CAP1: variants seen among roughly 807,000 people sequenced by gnomAD.
CAP1 encodes the protein adenylyl cyclase-associated protein 1.
In CAP1, 11 loss-of-function variants were observed where a neutral mutation model predicts 58.2. The observed-to-expected ratio is 0.19, with a 90% CI of 0.12 to 0.31. The LOEUF (loss-of-function observed/expected upper bound fraction) is 0.31. CAP1 is among the 10% of genes least tolerant of loss of function. The pLI, the probability that CAP1 is intolerant of heterozygous loss-of-function variation, is 1.00. For missense variants in CAP1, 423 were observed against 587.5 expected (o/e 0.72, Z 2.89); for synonymous variants, 183 against 213.8 (o/e 0.86, Z 1.26).
At chr1:40,047,512 A>G (rs1337902047) in intron 1 of CAP1, among the ~76,000 whole-genome samples, 3 of 152,208 alleles carry the variant, frequency 2.0e-5, no homozygotes, top group Non-Finnish European at 2.9e-5. Flanking sequence ...CAGTCTTTCC[A>G]TATTCCTACT....
intron 8 of CAP1, chr1:40,069,418 T>C (rs1260994657): frequency 3.6e-6 from 1 of 275,746 alleles, no homozygotes; most frequent in Non-Finnish European, 6.8e-6. Context: ...ATACATTTGA[T>C]ATGTCTTTCT....
intron 2 of CAP1, 38 bp from the exon 3 acceptor site, chr1:40,060,029 G>A (rs1646780789): frequency 1.9e-6 from 3 of 1,540,808 alleles, no homozygotes; most frequent in Non-Finnish European, 2.7e-6. Flanking sequence ...GCCTCCTTCT[G>A]ATGCATGGCT....
intron 1 of CAP1, among the ~76,000 whole-genome samples, chr1:40,052,148 A>G (rs1379116443): frequency 1.3e-5 from 2 of 152,178 alleles, no homozygotes; most frequent in Non-Finnish European, 2.9e-5. Context: ...TCTTGAGCCT[A>G]TATTCTAGTA....
chr1:40,052,247 A>G (rs1646408796), intron 1 of CAP1, among the ~76,000 whole-genome samples: 1 of 152,096 alleles, frequency 6.6e-6, no homozygotes, highest in Non-Finnish European at 1.5e-5. Flanking sequence ...ACCTCCTTTG[A>G]TCCTTATATC....
Position 40,066,283 on chromosome 1 carries a change from A to G in CAP1, c.593A>G (p.Lys198Arg). The G allele has an allele frequency of 6.2e-7, 1 of 1,611,702 alleles. No individual in the cohort carries two copies. The highest frequency in any genetic ancestry group is 8.5e-7 in the Non-Finnish European group (1 of 1,178,006). The change falls in exon 7 of 13, where the codon AAG (lysine) becomes AGG (arginine). Residue 198 changes from lysine (K) to arginine (R), a missense_variant. Coordinates refer to ENST00000372805, the MANE Select transcript of CAP1 (RefSeq NM_006367.4). ...SIWTELQAYI[K>R]EFHTTGLAWS... ...TGGACAGAGCTGCAGGCTTACATTA[A>G]GGAGTTCCATACCACCGGACTGGCC... is the stretch of plus-strand genomic sequence containing the variant.
At chr1:40,070,406 G>T in intron 10 of CAP1, 24 bp from the exon 11 acceptor site, 1 of 1,605,896 alleles carries the variant, frequency 6.2e-7, no homozygotes, top group South Asian at 1.1e-5. Context: ...GTTACACGTT[G>T]ACACACTCCC....
chr1:40,065,211 T>C (rs1442515536), intron 6 of CAP1, among the ~76,000 whole-genome samples: 1 of 152,210 alleles, frequency 6.6e-6, no homozygotes, highest in African/African-American at 2.4e-5. Context: ...AAGGGTTCAA[T>C]AGGACTTAAT....
intron 1 of CAP1, among the ~76,000 whole-genome samples, chr1:40,048,446 T>C (rs1199240457): frequency 6.6e-6 from 1 of 152,246 alleles, no homozygotes; most frequent in Admixed American, 6.5e-5. Flanking sequence ...TTGTATCTTC[T>C]GGTAGCATGT....
intron 4 of CAP1, among the ~76,000 whole-genome samples, chr1:40,063,005 A>T (rs549727768): frequency 1.4e-3 from 207 of 149,856 alleles, no homozygotes; most frequent in African/African-American, 4.8e-3. Context: ...TTAAAAAAAA[A>T]TTTTTTTTTT....
chr1:40,071,966 G>T lies in CAP1; in HGVS notation c.*433G>T. 4.9e-6 allele frequency: 2 copies of T among 408,312 alleles called. No individual in the cohort carries two copies. The highest frequency in any genetic ancestry group is 8.7e-6 in the Non-Finnish European group (2 of 230,656). 25.3% of individuals were successfully genotyped at this position (408,312 alleles called of 1,614,324 possible). ...AGCAGAAGCTGGTGTGTTTCCAGAT[G>T]GTTCTTCTAACCAAACTAATTTTTC... On this transcript the variant is annotated 3_prime_UTR_variant, in exon 13 of 13. Coordinates refer to ENST00000372805, the MANE Select transcript of CAP1 (RefSeq NM_006367.4).
chr1:40,071,025 C>T (rs200747027), intron 12 of CAP1, 46 bp downstream of exon 12: 614 of 1,531,562 alleles, frequency 4.0e-4, no homozygotes, highest in Non-Finnish European at 4.9e-4. Context: ...ACAGAAGGGA[C>T]TGAAGATTTC....
At chr1:40,055,960 T>A (rs966729607) in intron 1 of CAP1, among the ~76,000 whole-genome samples, 1 of 152,246 alleles carries the variant, frequency 6.6e-6, no homozygotes, top group Non-Finnish European at 1.5e-5. Flanking sequence ...CAAGCACTTC[T>A]ACATGGATTC....
At chr1:40,056,839 A>G (rs1646639127) in intron 1 of CAP1, among the ~76,000 whole-genome samples, 1 of 152,170 alleles carries the variant, frequency 6.6e-6, no homozygotes, top group Non-Finnish European at 1.5e-5. Context: ...CACACATACA[A>G]TGTCATACTT....
intron 5 of CAP1, 27 bp from the exon 6 acceptor site, chr1:40,064,447 A>T (rs1457923624): frequency 3.7e-6 from 6 of 1,610,932 alleles, no homozygotes; most frequent in Non-Finnish European, 5.1e-6. Context: ...AGAGGTCCTG[A>T]GTCACTGACA....
At chr1:40,045,467 T>C (rs4660375) in intron 1 of CAP1, among the ~76,000 whole-genome samples, 17,682 of 152,254 alleles carry the variant, frequency 0.12, 1,200 homozygotes, top group South Asian at 0.2. Flanking sequence ...GGTGCAATCA[T>C]GGCTGATTGC....
In CAP1 at chr1:40,068,402, C is replaced by T. The variant is rs139227516; in HGVS notation, c.808+685C>T. 2.2e-3 allele frequency among the ~76,000 whole-genome samples: 334 copies of T among 152,062 alleles called. 7 individuals carry two copies. The East Asian group carries it at 0.033, about 15-fold the overall frequency. ...TCTCCTGCCTCAGCCTCCCGAGTAC[C>T]TGGGATTACAGCCATGCGTCACCAT... On this transcript the variant is annotated intron_variant, in intron 8 of 12. Transcript: ENST00000372805.
At chr1:40,046,486 A>C (rs970431736) in intron 1 of CAP1, among the ~76,000 whole-genome samples, 18 of 152,050 alleles carry the variant, frequency 1.2e-4, no homozygotes, top group African/African-American at 2.9e-4. Context: ...AAAACAAAAA[A>C]AAACAAACAA....
chr1:40,070,245 A>G lies in CAP1; in HGVS notation c.1080A>G (p.Thr360=), dbSNP rs371785992. The change falls in exon 10 of 13, where the codon ACA becomes ACG. Residue 360 remains threonine (T), a synonymous_variant. Transcript: ENST00000372805. Reference sequence around the variant, plus strand: ...ACATATACAAGTGTGTCAACACGACATTGCAAATCAAGGGCAAAATTAACT... The same window carrying G: ...ACATATACAAGTGTGTCAACACGACGTTGCAAATCAAGGGCAAAATTAACT... ...VAYIYKCVNT[T]LQIKGKINSI... 1.5e-5 allele frequency: 25 copies of G among 1,614,082 alleles called. No individual in the cohort carries two copies. The highest frequency in any genetic ancestry group is 1.9e-5 in the Non-Finnish European group (23 of 1,180,034).
intron 4 of CAP1, 109 bp downstream of exon 4, chr1:40,061,921 A>G: frequency 1.2e-6 from 1 of 839,412 alleles, no homozygotes; most frequent in Admixed American, 2.0e-5. Context: ...GGCTTTTGAT[A>G]ATATATGTTC....
Sources: allele counts gnomAD v4.1 joint callset (sites outside exome capture counted in the v4.1 genomes callset), GRCh38; gene constraint gnomAD v4.1.1; transcripts MANE v1.5; gene names NCBI Gene and HGNC (gene_info 2026-07-23, HGNC 2026-07-21).